PCDHA4: variants seen among roughly 807,000 people sequenced by gnomAD.
PCDHA4 encodes protocadherin alpha 4.
PCDHA4 carries 49 observed loss-of-function variants against 61.4 expected under a neutral mutation model. The ratio of observed to expected loss-of-function variants is 0.80; its 90% CI spans 0.63 to 1.01. The LOEUF (loss-of-function observed/expected upper bound fraction) is 1.01. Among genes scored for constraint, PCDHA4 ranks in the 50% least tolerant of loss-of-function variants. The pLI is 0.00. For synonymous variants in PCDHA4, 590 were observed against 550.3 expected (o/e 1.07, Z -1.01); for missense variants, 1,254 against 1,235.8 (o/e 1.01, Z -0.22).
In PCDHA4 at chr5:140,849,923, G is replaced by T. The variant is rs145904051; in HGVS notation, c.2385+40351G>T. 160 of 1,598,322 alleles carry T rather than the reference G, an allele frequency of 1.0e-4. 9 individuals carry two copies. The African/African-American group carries it at 1.2e-3, about 12-fold the overall frequency. On this transcript the variant is annotated intron_variant, in intron 1 of 3. Transcript: ENST00000530339. ...ACCCGCCGGGCTGCCACATCTTCAC[G>T]GTGTCTGCGCGGGACGCTGACGCGC...
chr5:140,937,069 G>A (rs1385358225), intron 1 of PCDHA4, among the ~76,000 whole-genome samples: 3 of 138,378 alleles, frequency 2.2e-5, no homozygotes, highest in South Asian at 2.2e-4. Context: ...ACGGAGTCTC[G>A]CTCTGTCGCC....
chr5:140,831,011 C>T (rs1473200550), intron 1 of PCDHA4: 6 of 152,166 alleles, frequency 3.9e-5, no homozygotes, highest in Non-Finnish European at 5.9e-5. Flanking sequence ...CTGTGGTTCC[C>T]TTTTCAGACT....
At chr5:140,895,904 C>CG (rs2065248350) in intron 1 of PCDHA4, among the ~76,000 whole-genome samples, 2 of 152,138 alleles carry the variant, frequency 1.3e-5, no homozygotes, top group Non-Finnish European at 2.9e-5. Flanking sequence ...CTCCGCGTCC[C>CG]GGGCTCAACA....
chr5:140,815,442 C>T (rs1389044439), intron 1 of PCDHA4: 4 of 152,212 alleles, frequency 2.6e-5, no homozygotes, highest in South Asian at 4.1e-4. Context: ...ATCTTTACTA[C>T]AATCACAAAA....
intron 1 of PCDHA4, chr5:140,883,404 C>A: frequency 6.2e-7 from 1 of 1,614,222 alleles, no homozygotes; most frequent in Non-Finnish European, 8.5e-7. Context: ...GATCGTGACT[C>A]TGGCTCAAAT....
At chr5:140,976,298 C>A (rs2096709941) in intron 1 of PCDHA4, among the ~76,000 whole-genome samples, 1 of 152,036 alleles carries the variant, frequency 6.6e-6, no homozygotes, top group African/African-American at 2.4e-5. Context: ...AGCCTGTAAT[C>A]CCAGCACTTT....
chr5:140,900,080 A>G (rs62384484), intron 1 of PCDHA4, among the ~76,000 whole-genome samples: 49,691 of 152,040 alleles, frequency 0.33, 8,391 homozygotes, highest in East Asian at 0.53. Flanking sequence ...AAAGTGCTGC[A>G]GTTACAAGCA....
Position 140,839,456 on chromosome 5 carries a change from C to G in PCDHA4, c.2385+29884C>G, listed in dbSNP as rs1456767329. Reference sequence around the variant, plus strand: ...CCAGACTGCAGTGCAGTGGCACAATCTGGGCTTACTGCAATCTCTGCCTCC... The same window carrying G: ...CCAGACTGCAGTGCAGTGGCACAATGTGGGCTTACTGCAATCTCTGCCTCC... On this transcript the variant is annotated intron_variant, in intron 1 of 3. Transcript: ENST00000530339. 1.3e-5 allele frequency among the ~76,000 whole-genome samples: 2 copies of G among 151,882 alleles called. 1 individual carries two copies. The highest frequency in any genetic ancestry group is 2.9e-5 in the Non-Finnish European group (2 of 67,974).
At chr5:140,876,204 G>A (rs1582266262) in intron 1 of PCDHA4, 1 of 1,613,934 alleles carries the variant, frequency 6.2e-7, no homozygotes, top group Non-Finnish European at 8.5e-7. Flanking sequence ...CGTTTGATAA[G>A]CCCAGCTATA....
chr5:140,886,927 G>T (rs1191029252), intron 1 of PCDHA4, among the ~76,000 whole-genome samples: 1 of 151,236 alleles, frequency 6.6e-6, no homozygotes, highest in Non-Finnish European at 1.5e-5. Flanking sequence ...TTCTCTATGT[G>T]CCAGGCATGT....
chr5:140,808,748 C>T lies in PCDHA4; in HGVS notation c.1561C>T (p.Gln521Ter), dbSNP rs1554124750. The change falls in exon 1 of 4, where the codon CAG becomes TAG. Residue 521 changes from glutamine (Q) to a stop codon, truncating the protein, a stop_gained. Coordinates refer to ENST00000530339, the MANE Select transcript of PCDHA4 (RefSeq NM_018907.4). LOFTEE classifies it high-confidence loss of function. ...GGAGAGCGGCAAGGTGTACGCGCTG[C>T]AGCCGCTGGACCACGAGGAGCTAGA... ...HAESGKVYAL[Q>*]PLDHEELELL... 1.2e-6 allele frequency: 2 copies of T among 1,612,178 alleles called. No individual in the cohort carries two copies. The highest frequency in any genetic ancestry group is 1.7e-6 in the Non-Finnish European group (2 of 1,179,804).
chr5:140,901,286 C>T (rs1681382612), intron 1 of PCDHA4, among the ~76,000 whole-genome samples: 1 of 151,988 alleles, frequency 6.6e-6, no homozygotes. Flanking sequence ...AAATTTTTGC[C>T]CAGACTGATG....
chr5:140,837,266 T>C (rs1774990691), intron 1 of PCDHA4: 1 of 152,238 alleles, frequency 6.6e-6, no homozygotes, highest in African/African-American at 2.4e-5. Context: ...CATATTTGTG[T>C]AGCACTGACT....
chr5:140,899,465 T>C (rs1291429349), intron 1 of PCDHA4, among the ~76,000 whole-genome samples: 2 of 152,232 alleles, frequency 1.3e-5, no homozygotes, highest in African/African-American at 4.8e-5. Context: ...GTTTTTGTCT[T>C]TGGTTCTGTT....
Position 140,822,369 on chromosome 5 carries a change from C to T in PCDHA4, c.2385+12797C>T, listed in dbSNP as rs2150115802. On this transcript the variant is annotated intron_variant, in intron 1 of 3. Coordinates refer to ENST00000530339, the MANE Select transcript of PCDHA4 (RefSeq NM_018907.4). ...TTTTAGAGCTGGTTTTGAGGAAATCCTTAGATAGAGAAGAAACACAAGAAC... is the reference window on the plus strand; with the variant it reads ...TTTTAGAGCTGGTTTTGAGGAAATCTTTAGATAGAGAAGAAACACAAGAAC... 10 of 1,613,936 alleles carry T rather than the reference C, an allele frequency of 6.2e-6. No individual in the cohort carries two copies. In the East Asian group the frequency reaches 1.3e-4, roughly 22 times the overall value.
chr5:140,807,122 G>A lies in PCDHA4; in HGVS notation c.-66G>A, dbSNP rs1167466402. On this transcript the variant is annotated 5_prime_UTR_variant, in exon 1 of 4. Coordinates refer to ENST00000530339, the MANE Select transcript of PCDHA4 (RefSeq NM_018907.4). ...AGGATGCAGCTGCACTTGACTGACC[G>A]ATTAAAAGATTTCCCTTGACTTTGA... The A allele has an allele frequency of 4.5e-6, 7 of 1,539,976 alleles. No individual in the cohort carries two copies. The highest frequency in any genetic ancestry group is 2.5e-5 in the South Asian group (2 of 80,384).
At chr5:141,007,980 A>G (rs533342900) in intron 3 of PCDHA4, among the ~76,000 whole-genome samples, 1 of 152,338 alleles carries the variant, frequency 6.6e-6, no homozygotes, top group East Asian at 1.9e-4. Context: ...TGTCATGTAT[A>G]TATGAAATGT....
intron 1 of PCDHA4, among the ~76,000 whole-genome samples, chr5:140,845,167 T>C (rs954186731): frequency 6.7e-6 from 1 of 149,652 alleles, no homozygotes; most frequent in Non-Finnish European, 1.5e-5. Context: ...CGAATTGTTT[T>C]CATTTTAGTC....
intron 3 of PCDHA4, among the ~76,000 whole-genome samples, chr5:141,008,171 G>A (rs1441350888): frequency 6.6e-6 from 1 of 152,148 alleles, no homozygotes; most frequent in African/African-American, 2.4e-5. Flanking sequence ...GGACTAAAAT[G>A]TGACCATTGA....
Sources: gnomAD v4.1 joint callset for allele counts (sites outside exome capture counted in the v4.1 genomes callset) on GRCh38, gnomAD v4.1.1 for gene constraint, MANE v1.5 for transcripts, NCBI Gene and HGNC (gene_info 2026-07-23, HGNC 2026-07-21) for gene names.